The following SLFN12 variants were observed in gnomAD, a reference collection of about 807,000 sequenced individuals.
SLFN12 encodes schlafen family member 12, also known as ribonuclease SLFN12.
A neutral mutation model predicts 29.1 loss-of-function variants in SLFN12; 25 were observed. That is an observed-to-expected ratio of 0.86 (90% CI 0.63 to 1.20). The LOEUF is 1.20. Ranked by LOEUF, SLFN12 falls within the 50% of genes most tolerant of loss-of-function variation. The pLI is 0.00. For missense variants in SLFN12, 660 were observed against 666.2 expected (o/e 0.99, Z 0.10); for synonymous variants, 257 against 238.7 (o/e 1.08, Z -0.71).
intron 2 of SLFN12, among the ~76,000 whole-genome samples, chr17:35,421,721 A>G (rs1244199633): frequency 6.6e-6 from 1 of 151,636 alleles, no homozygotes; most frequent in African/African-American, 2.4e-5. Flanking sequence ...TTGTATTTTT[A>G]GTAGAGACGG....
In SLFN12 at chr17:35,422,514, T is replaced by A. The variant is rs945654316; in HGVS notation, c.515A>T (p.Gln172Leu). ...CAAGGCCTTCATGTTATTTTCTTCT[T>A]GTATATCAACACAGGGCCTCTTTGC... ...LLAKRPCVDIQEENNMKALAG... is the reference protein window; with the variant it reads ...LLAKRPCVDILEENNMKALAG... Residue 172 changes from glutamine to leucine, a missense_variant, in exon 2 of 4, where the codon CAA becomes CTA. Physicochemically the swap from Gln to Leu is moderately radical, Grantham distance 113. Coordinates refer to ENST00000304905, the MANE Select transcript of SLFN12 (RefSeq NM_018042.5). 4 of 1,613,868 alleles carry A rather than the reference T, an allele frequency of 2.5e-6. No individual in the cohort carries two copies. The highest frequency in any genetic ancestry group is 3.4e-6 in the Non-Finnish European group (4 of 1,179,948).
rs140553867 is a variant in SLFN12, at chr17:35,422,275, C to T, written c.754G>A (p.Ala252Thr). Residue 252 changes from alanine to threonine, a missense_variant, in exon 2 of 4, where the codon GCA (alanine) becomes ACA (threonine). Coordinates refer to ENST00000304905, the MANE Select transcript of SLFN12 (RefSeq NM_018042.5). The part of the protein sequence containing the change: ...NEDKEIIGFK[A>T]EMSDLDDLER... ...AAGTCATCGAGGTCACTCATCTCTG[C>T]TTTAAAGCCAATTATTTCTTTATCT... The T allele has an allele frequency of 3.1e-6, 5 of 1,613,940 alleles. No homozygotes were observed. The South Asian group carries it at 5.5e-5, about 18-fold the overall frequency.
upstream of SLFN12, chr17:35,432,607 T>C (rs982559006): frequency 1.3e-5 from 2 of 152,158 alleles, no homozygotes; most frequent in Non-Finnish European, 2.9e-5. Flanking sequence ...GACTTGGCCC[T>C]GGAGACCAGT....
intron 3 of SLFN12, among the ~76,000 whole-genome samples, chr17:35,419,596 G>A (rs543667257): frequency 2.0e-5 from 3 of 152,184 alleles, no homozygotes; most frequent in Admixed American, 6.5e-5. Flanking sequence ...TTGAGAAGAA[G>A]GAGGTCAAGA....
chr17:35,411,314 C>A lies in SLFN12; in HGVS notation c.*24G>T. The A allele has an allele frequency of 7.3e-7, 1 of 1,372,006 alleles. No homozygotes were observed. Among genetic ancestry groups the A allele is most frequent in the South Asian group, 1.5e-5 (1 of 66,758 alleles). The allele number at this position is 1,372,006 out of a possible 1,614,324, so 85.0% of individuals were successfully genotyped here. A position where few individuals can be genotyped will look rare whatever the true frequency, so the allele number is the denominator to read the frequency against. On this transcript the variant is annotated 3_prime_UTR_variant, in exon 4 of 4. Coordinates refer to ENST00000304905, the MANE Select transcript of SLFN12 (RefSeq NM_018042.5). Reference sequence around the variant, plus strand: ...TTATCAAATATATAATGAAAAATATCTCAGTAGCCCAGTCCATTTTCCATC... The same window carrying A: ...TTATCAAATATATAATGAAAAATATATCAGTAGCCCAGTCCATTTTCCATC...
At position 35,423,141 on chromosome 17, in the gene SLFN12, T is replaced by C. The variant is rs567285782; in HGVS notation, c.-40-73A>G. On this transcript the variant is annotated intron_variant, in intron 1 of 3. Coordinates refer to ENST00000304905, the MANE Select transcript of SLFN12 (RefSeq NM_018042.5). ...AGCAAATTCTGTATTATGAGGCAAA[T>C]GCAAAAAAATCCTGTGCTGTATATA... 3.7e-4 allele frequency: 540 copies of C among 1,475,266 alleles called. 5 individuals are homozygous for C. The East Asian group carries it at 0.011, about 30-fold the overall frequency. The allele number at this position is 1,475,266 out of a possible 1,614,324, so 91.4% of individuals were successfully genotyped here.
At chr17:35,420,682 T>C (rs1332167758) in intron 2 of SLFN12, 1 of 219,858 alleles carries the variant, frequency 4.5e-6, no homozygotes, top group Non-Finnish European at 9.0e-6. Flanking sequence ...TGATGGCTAG[T>C]GAAGGAAAGC....
intron 1 of SLFN12, among the ~76,000 whole-genome samples, chr17:35,426,218 C>T (rs1342123934): frequency 6.6e-6 from 1 of 151,264 alleles, no homozygotes; most frequent in Non-Finnish European, 1.5e-5. Flanking sequence ...GTATGGTTTA[C>T]AAATGTTTTC....
chr17:35,412,135 A>G (rs1369172048), intron 3 of SLFN12, among the ~76,000 whole-genome samples: 1 of 152,178 alleles, frequency 6.6e-6, no homozygotes, highest in Non-Finnish European at 1.5e-5. Flanking sequence ...GGTGAAACAC[A>G]GAAAGTAGCT....
At position 35,429,182 on chromosome 17, in the gene SLFN12, G is replaced by A. The variant is rs1465443473; in HGVS notation, c.-41+3006C>T. 3.3e-5 allele frequency among the ~76,000 whole-genome samples: 5 copies of A among 152,004 alleles called. No individual in the cohort carries two copies. In the South Asian group the frequency reaches 6.2e-4, roughly 19 times the overall value. On this transcript the variant is annotated intron_variant, in intron 1 of 3. Coordinates refer to ENST00000304905, the MANE Select transcript of SLFN12 (RefSeq NM_018042.5). Reference sequence around the variant, plus strand: ...TTTTTTGCCTAACCCACCATACACAGAAGGGGACAGAAATCACATCTCACC... The same window carrying A: ...TTTTTTGCCTAACCCACCATACACAAAAGGGGACAGAAATCACATCTCACC...
chr17:35,413,188 G>GTTTGAATTTC (rs1436304923), intron 3 of SLFN12, among the ~76,000 whole-genome samples: 5 of 151,946 alleles, frequency 3.3e-5, no homozygotes, highest in African/African-American at 1.2e-4. Flanking sequence ...AATATTTGAA[G>GTTTGAATTTC]AGATAAACAA....
In SLFN12 at chr17:35,411,394, C is replaced by A; in HGVS notation, c.1681G>T (p.Asp561Tyr). 6.3e-7 allele frequency: 1 copy of A among 1,597,474 alleles called. No homozygotes were observed. The highest frequency in any genetic ancestry group is 1.1e-5 in the South Asian group (1 of 88,016). ...AENLYQIIGI[D>Y]CFQKNDKKMF... Reference sequence around the variant, plus strand: ...TTTTTATCATTCTTCTGAAAGCAATCTATACCGATTATCTGGTATAGATTT... The same window carrying A: ...TTTTTATCATTCTTCTGAAAGCAATATATACCGATTATCTGGTATAGATTT... The change falls in exon 4 of 4, where the codon GAT becomes TAT. Residue 561 changes from aspartate (D) to tyrosine (Y), a missense_variant. Coordinates refer to ENST00000304905, the MANE Select transcript of SLFN12 (RefSeq NM_018042.5).
intron 1 of SLFN12, among the ~76,000 whole-genome samples, chr17:35,423,764 T>C (rs951940067): frequency 6.6e-6 from 1 of 152,064 alleles, no homozygotes; most frequent in Non-Finnish European, 1.5e-5. Flanking sequence ...ACTCCTGAGG[T>C]GATGAGGTTT....
In SLFN12 at chr17:35,411,393, T is replaced by C. The variant is rs746530090; in HGVS notation, c.1682A>G (p.Asp561Gly). The change falls in exon 4 of 4, where the codon GAT (aspartate) becomes GGT (glycine). Residue 561 changes from aspartate to glycine, a missense_variant. Coordinates refer to ENST00000304905, the MANE Select transcript of SLFN12 (RefSeq NM_018042.5). ...AENLYQIIGI[D>G]CFQKNDKKMF... ...CTTTTTATCATTCTTCTGAAAGCAATCTATACCGATTATCTGGTATAGATT... is the reference window on the plus strand; with the variant it reads ...CTTTTTATCATTCTTCTGAAAGCAACCTATACCGATTATCTGGTATAGATT... 3 of 1,596,970 alleles carry C rather than the reference T, an allele frequency of 1.9e-6. No individual in the cohort carries two copies. The highest frequency in any genetic ancestry group is 2.6e-6 in the Non-Finnish European group (3 of 1,173,646).
chr17:35,425,465 A>G (rs893232915), intron 1 of SLFN12, among the ~76,000 whole-genome samples: 2 of 151,934 alleles, frequency 1.3e-5, no homozygotes, highest in African/African-American at 4.8e-5. Flanking sequence ...TCTACTCTAT[A>G]CTTCTATGAG....
chr17:35,430,251 A>G (rs941975675), intron 1 of SLFN12, among the ~76,000 whole-genome samples: 1 of 152,006 alleles, frequency 6.6e-6, no homozygotes, highest in Non-Finnish European at 1.5e-5. Context: ...TTTGCAGGAG[A>G]AAAACAAAAA....
chr17:35,432,457 T>C lies in SLFN12; in HGVS notation c.-310A>G, dbSNP rs998984549. 6.6e-6 allele frequency: 1 copy of C among 152,042 alleles called. No individual in the cohort carries two copies. The highest frequency in any genetic ancestry group is 2.4e-5 in the African/African-American group (1 of 41,416). 9.4% of individuals were successfully genotyped at this position (152,042 alleles called of 1,614,324 possible). Reference sequence around the variant, plus strand: ...TGGTGTGCACACAATGTAAATGAAATAGGAGCCCGAGATCAGTCTGAATGG... The same window carrying C: ...TGGTGTGCACACAATGTAAATGAAACAGGAGCCCGAGATCAGTCTGAATGG... On this transcript the variant is annotated 5_prime_UTR_variant, in exon 1 of 4. Transcript: ENST00000304905.
At chr17:35,415,477 C>T (rs1009082940) in intron 3 of SLFN12, among the ~76,000 whole-genome samples, 2 of 151,760 alleles carry the variant, frequency 1.3e-5, no homozygotes, top group Admixed American at 1.3e-4. Context: ...AACCAAGAAC[C>T]CAAAAGCAAA....
intron 3 of SLFN12, among the ~76,000 whole-genome samples, chr17:35,415,935 G>A (rs988433539): frequency 5.3e-5 from 8 of 152,284 alleles, no homozygotes; most frequent in African/African-American, 1.9e-4. Flanking sequence ...AACCACTGTG[G>A]AAAAATGTGT....
Sources: gnomAD v4.1 joint callset for allele counts (sites outside exome capture counted in the v4.1 genomes callset) on GRCh38, gnomAD v4.1.1 for gene constraint, MANE v1.5 for transcripts, NCBI Gene and HGNC (gene_info 2026-07-23, HGNC 2026-07-21) for gene names.